The following N4BP2L2 variants were observed in gnomAD, a reference collection of about 807,000 sequenced individuals.
N4BP2L2 encodes NEDD4-binding protein 2-like 2.
N4BP2L2 carries 50 observed loss-of-function variants against 56.2 expected under a neutral mutation model. The observed-to-expected ratio is 0.89, with a 90% CI of 0.71 to 1.13. The LOEUF is 1.13. Among genes scored for constraint, N4BP2L2 ranks in the 50% most tolerant of loss-of-function variants. N4BP2L2 has a pLI of 0.00. For missense variants in N4BP2L2, 689 were observed against 693.8 expected (o/e 0.99, Z 0.08); for synonymous variants, 203 against 223.6 (o/e 0.91, Z 0.82).
intron 6 of N4BP2L2, among the ~76,000 whole-genome samples, chr13:32,484,424 G>C (rs562662903): frequency 7.2e-5 from 11 of 152,114 alleles, no homozygotes; most frequent in Non-Finnish European, 1.5e-4. Flanking sequence ...AAAAAATATA[G>C]CTAAAGGTTT....
intron 6 of N4BP2L2, among the ~76,000 whole-genome samples, chr13:32,503,018 C>CA (rs2090286341): frequency 6.6e-6 from 1 of 151,206 alleles, no homozygotes; most frequent in Admixed American, 6.6e-5. Context: ...ACTAAAAATG[C>CA]AAAAATTAGT....
intron 7 of N4BP2L2, among the ~76,000 whole-genome samples, chr13:32,439,533 C>T (rs1251370001): frequency 2.6e-5 from 4 of 152,094 alleles, no homozygotes; most frequent in African/African-American, 9.7e-5. Flanking sequence ...AATCTATGGA[C>T]TTCTCCCCAA....
At chr13:32,447,779 G>A (rs1281846120) in intron 6 of N4BP2L2, among the ~76,000 whole-genome samples, 1 of 151,450 alleles carries the variant, frequency 6.6e-6, no homozygotes, top group Non-Finnish European at 1.5e-5. Context: ...GGATAATAAG[G>A]ACCCTGCTAA....
intron 6 of N4BP2L2, among the ~76,000 whole-genome samples, chr13:32,495,962 C>A (rs932261297): frequency 6.6e-6 from 1 of 152,168 alleles, no homozygotes; most frequent in African/African-American, 2.4e-5. Context: ...GGATTACAGG[C>A]ATGAACCACC....
chr13:32,470,991 C>G (rs1202655836), intron 6 of N4BP2L2, among the ~76,000 whole-genome samples: 4 of 152,192 alleles, frequency 2.6e-5, no homozygotes, highest in Admixed American at 2.0e-4. Context: ...GTACTGACAC[C>G]ATATGGTTTG....
chr13:32,442,243 T>C lies in N4BP2L2; in HGVS notation c.2104+145A>G, dbSNP rs1379356844. 1.4e-5 allele frequency: 10 copies of C among 705,970 alleles called. No homozygotes were observed. The South Asian group carries it at 1.6e-4, about 11-fold the overall frequency. The allele number at this position is 705,970 out of a possible 1,614,324, so 43.7% of individuals were successfully genotyped here. Reference sequence around the variant, plus strand: ...GGGACTTTGAAGATCAAGCACCGTTTGCTATGGATCCTCACTCACTGCTGA... The same window carrying C: ...GGGACTTTGAAGATCAAGCACCGTTCGCTATGGATCCTCACTCACTGCTGA... On this transcript the variant is annotated intron_variant, in intron 7 of 9. Coordinates refer to the N4BP2L2 transcript ENST00000357505.
At chr13:32,443,116 A>T in exon 7 of N4BP2L2, 1 of 1,612,480 alleles carries the variant, frequency 6.2e-7, no homozygotes, top group Non-Finnish European at 8.5e-7. Flanking sequence ...ATTCTTTGGT[A>T]TATCCGGTTG....
exon 7 of N4BP2L2, chr13:32,442,611 A>G (rs780281225): frequency 6.2e-7 from 1 of 1,613,902 alleles, no homozygotes; most frequent in Non-Finnish European, 8.5e-7. Flanking sequence ...CAGGATGACT[A>G]TGTAAAATTT....
At chr13:32,503,679 C>T (rs2090431001) in intron 6 of N4BP2L2, among the ~76,000 whole-genome samples, 1 of 152,206 alleles carries the variant, frequency 6.6e-6, no homozygotes. Flanking sequence ...TTCACACAAT[C>T]AACTTTTTCA....
chr13:32,441,034 T>C (rs546573463), intron 7 of N4BP2L2, among the ~76,000 whole-genome samples: 1 of 151,864 alleles, frequency 6.6e-6, no homozygotes, highest in Non-Finnish European at 1.5e-5. Context: ...TTTGTATTTT[T>C]AGTAGAGGCA....
chr13:32,473,006 C>T lies in N4BP2L2; in HGVS notation c.366-28880G>A, dbSNP rs562937515. On this transcript the variant is annotated intron_variant, in intron 6 of 9. Coordinates refer to the N4BP2L2 transcript ENST00000357505. Reference sequence around the variant, plus strand: ...AATAATTTTTAAAATATTGGTCAGACGCGGTGGCTCACGCCTGTAATCCCA... The same window carrying T: ...AATAATTTTTAAAATATTGGTCAGATGCGGTGGCTCACGCCTGTAATCCCA... Among the ~76,000 whole-genome samples the T allele has an allele frequency of 1.9e-3, 290 of 152,172 alleles. 1 individual carries two copies. The highest frequency in any genetic ancestry group is 2.4e-3 in the Non-Finnish European group (166 of 68,014).
rs539841650 is a variant in N4BP2L2, at chr13:32,527,236, G to A, written c.1384+172C>T. On this transcript the variant is annotated intron_variant, in intron 3 of 5. Coordinates refer to ENST00000267068, the Ensembl canonical transcript of N4BP2L2. ...TTTTCACAAAAACCCTGATCAGGTAGGGCAAGTATAATTATCACCACCTCT... is the reference window on the plus strand; with the variant it reads ...TTTTCACAAAAACCCTGATCAGGTAAGGCAAGTATAATTATCACCACCTCT... The A allele has an allele frequency of 3.2e-5, 20 of 624,682 alleles. No homozygotes were observed. In the South Asian group the frequency reaches 4.6e-4, roughly 14 times the overall value. The allele number at this position is 624,682 out of a possible 1,614,324, so 38.7% of individuals were successfully genotyped here. A position where few individuals can be genotyped will look rare whatever the true frequency, so the allele number is the denominator to read the frequency against.
At chr13:32,536,895 T>C (rs758305879) in exon 2 of N4BP2L2, 2 of 1,614,156 alleles carry the variant, frequency 1.2e-6, no homozygotes, top group South Asian at 2.2e-5. Flanking sequence ...TCTTGGATTC[T>C]GTGAAAATCA....
chr13:32,491,015 T>C (rs866641320), intron 6 of N4BP2L2, among the ~76,000 whole-genome samples: 3 of 110,338 alleles, frequency 2.7e-5, no homozygotes, highest in Non-Finnish European at 6.3e-5. Flanking sequence ...AAAAAAAAAA[T>C]ACTTTTTTCA....
chr13:32,517,872 G>A (rs1479708564), exon 6 of N4BP2L2: 3 of 1,613,930 alleles, frequency 1.9e-6, no homozygotes, highest in Non-Finnish European at 2.5e-6. Flanking sequence ...TCTCCCCTGT[G>A]GAGGAGGAGG....
At chr13:32,501,286 A>G (rs183923920) in intron 6 of N4BP2L2, among the ~76,000 whole-genome samples, 2 of 152,272 alleles carry the variant, frequency 1.3e-5, no homozygotes, top group East Asian at 3.9e-4. Context: ...TCACATAACT[A>G]CAGATAGGCT....
intron 6 of N4BP2L2, among the ~76,000 whole-genome samples, chr13:32,453,074 C>A (rs1403232029): frequency 6.6e-6 from 1 of 151,946 alleles, no homozygotes; most frequent in African/African-American, 2.4e-5. Context: ...GCCTGGCCAA[C>A]AAGGAGAAAC....
At chr13:32,502,061 ATT>A (rs368621196) in intron 6 of N4BP2L2, among the ~76,000 whole-genome samples, 2,368 of 125,406 alleles carry the variant, frequency 0.019, 54 homozygotes, top group African/African-American at 0.07. Flanking sequence ...CTACTACAGC[ATT>A]TTTTTTTTTT....
At chr13:32,517,309 T>C in exon 6 of N4BP2L2, 1 of 987,220 alleles carries the variant, frequency 1.0e-6, no homozygotes, top group Non-Finnish European at 1.2e-6. Context: ...TAAGAAATAA[T>C]TTTGTCACAC....
Sources: gnomAD v4.1 joint callset for allele counts (sites outside exome capture counted in the v4.1 genomes callset) on GRCh38, gnomAD v4.1.1 for gene constraint, MANE v1.5 for transcripts, NCBI Gene and HGNC (gene_info 2026-07-23, HGNC 2026-07-21) for gene names.